SLC19A1: variants seen among roughly 807,000 people sequenced by gnomAD.
SLC19A1 encodes the protein reduced folate transporter.
Under a neutral mutation model 35.3 loss-of-function variants are expected in SLC19A1, and 37 were observed. The ratio of observed to expected loss-of-function variants is 1.05; its 90% CI spans 0.81 to 1.38. The LOEUF (loss-of-function observed/expected upper bound fraction) is 1.38. SLC19A1 is among the 40% of genes most tolerant of loss of function. The pLI is 0.00. For synonymous variants in SLC19A1, 460 were observed against 398.5 expected (o/e 1.15, Z -1.84); for missense variants, 831 against 826.9 (o/e 1.00, Z -0.06).
intron 5 of SLC19A1, among the ~76,000 whole-genome samples, chr21:45,524,185 G>A (rs1342680286): frequency 8.2e-5 from 8 of 97,188 alleles, no homozygotes; most frequent in South Asian, 4.2e-4. Flanking sequence ...GAGTGTTCAC[G>A]CCTGGGCCTT....
rs2078008156 is a variant in SLC19A1 at position 45,533,572 on chromosome 21, G to T, written c.190-1424C>A. Among the ~76,000 whole-genome samples the T allele has an allele frequency of 1.3e-5, 2 of 151,930 alleles. No individual in the cohort carries two copies. The highest frequency in any genetic ancestry group is 6.5e-5 in the Admixed American group (1 of 15,274). On this transcript the variant is annotated intron_variant, in intron 2 of 5. Coordinates refer to ENST00000311124, the MANE Select transcript of SLC19A1 (RefSeq NM_194255.4). The surrounding 1 kb of genome is among the most constrained non-coding windows in gnomAD (Gnocchi z 4.5). ...TTTCAGCAGGTGGCCCCGCCCACAG[G>T]CCCCACCAGACCCCACCTCAGATCC...
At chr21:45,543,028 C>T (rs1324861023), upstream of SLC19A1, among the ~76,000 whole-genome samples, 1 of 152,158 alleles carries the variant, frequency 6.6e-6, no homozygotes, top group Non-Finnish European at 1.5e-5. Flanking sequence ...CCGCCGCCCG[C>T]CCTCCTGCCT....
At position 45,525,998 on chromosome 21, in the gene SLC19A1, A is replaced by T. The variant is rs377009682; in HGVS notation, c.1152-40T>A. The T allele has an allele frequency of 1.6e-5, 25 of 1,599,570 alleles. No individual in the cohort carries two copies. In the African/African-American group the frequency reaches 2.0e-4, roughly 13 times the overall value. ...CGGGCAGATCAGGCGCTGCTGGGAG[A>T]ATAAGCAGCAGCCACAGGGAAAAGC... On this transcript the variant is annotated intron_variant, in intron 4 of 5. Transcript: ENST00000311124.
downstream of SLC19A1, among the ~76,000 whole-genome samples, chr21:45,508,324 T>C (rs1046498617): frequency 6.8e-6 from 1 of 146,558 alleles, no homozygotes; most frequent in Non-Finnish European, 1.5e-5. Context: ...GGTGGGTGAG[T>C]GGATAGATGG....
chr21:45,559,351 G>A (rs2078593536), intron 1 of SLC19A1, among the ~76,000 whole-genome samples: 1 of 152,148 alleles, frequency 6.6e-6, no homozygotes, highest in South Asian at 2.1e-4. Context: ...TTAGGTCGGT[G>A]AGGTGTCACC....
intron 1 of SLC19A1, among the ~76,000 whole-genome samples, chr21:45,551,002 C>G (rs2078460765): frequency 6.7e-6 from 1 of 150,188 alleles, no homozygotes. Flanking sequence ...CCCACAACAC[C>G]CACTTCCTCC....
chr21:45,558,510 G>C (rs866355284), intron 1 of SLC19A1, among the ~76,000 whole-genome samples: 3 of 152,240 alleles, frequency 2.0e-5, no homozygotes, highest in Non-Finnish European at 2.9e-5. Context: ...AGCAGGTGGG[G>C]CTGTGACCAG....
chr21:45,522,920 G>A (rs752296481), intron 5 of SLC19A1, among the ~76,000 whole-genome samples: 5 of 152,158 alleles, frequency 3.3e-5, no homozygotes, highest in South Asian at 2.1e-4. Flanking sequence ...CCTGACTGTC[G>A]CCATGCTGGT....
chr21:45,510,047 C>T (rs371340555), downstream of SLC19A1: 276 of 1,545,058 alleles, frequency 1.8e-4, 1 homozygote, highest in East Asian at 2.0e-3. Context: ...GCCCGTGACG[C>T]GCCCCTCTCC....
Position 45,512,629 on chromosome 21 carries a change from T to C in SLC19A1, c.*3029A>G, listed in dbSNP as rs1223930073. ...ACATTCACCTGCCCCAACTCTCCCCTGACCTGTGAGCCCAGCTGGGTCAGG... is the reference window on the plus strand; with the variant it reads ...ACATTCACCTGCCCCAACTCTCCCCCGACCTGTGAGCCCAGCTGGGTCAGG... On this transcript the variant is annotated 3_prime_UTR_variant, in exon 6 of 6. Coordinates refer to ENST00000311124, the MANE Select transcript of SLC19A1 (RefSeq NM_194255.4). The C allele has an allele frequency of 5.1e-6, 3 of 584,874 alleles. No individual in the cohort carries two copies. Among genetic ancestry groups the C allele is most frequent in the Non-Finnish European group, 9.1e-6 (3 of 329,076 alleles). The allele number at this position is 584,874 out of a possible 1,614,324, so 36.2% of individuals were successfully genotyped here.
chr21:45,555,069 G>A (rs1480704665), intron 1 of SLC19A1, among the ~76,000 whole-genome samples: 1 of 150,084 alleles, frequency 6.7e-6, no homozygotes, highest in Non-Finnish European at 1.5e-5. Flanking sequence ...ACGCAACGCG[G>A]GGAGTGGCCA....
intron 1 of SLC19A1, among the ~76,000 whole-genome samples, chr21:45,560,246 G>A (rs1476455352): frequency 6.6e-6 from 1 of 152,236 alleles, no homozygotes; most frequent in Non-Finnish European, 1.5e-5. Flanking sequence ...CAGCCACACA[G>A]GGCCCACACA....
chr21:45,505,276 A>G lies in SLC19A1; in HGVS notation c.498-6664T>C, dbSNP rs1478369652. The G allele has an allele frequency of 6.2e-7, 1 of 1,605,330 alleles. No homozygotes were observed. Among genetic ancestry groups the G allele is most frequent in the Admixed American group, 1.7e-5 (1 of 59,924 alleles). ...CCTTCATTTCCTGGCCCTCACAGGC[A>G]GAGTAAGTCAGTGGGGAGTGGGCCC... On this transcript the variant is annotated intron_variant, in intron 3 of 4. Coordinates refer to the SLC19A1 transcript ENST00000417954.
chr21:45,528,730 G>T (rs1039520328), intron 4 of SLC19A1, among the ~76,000 whole-genome samples: 1 of 152,228 alleles, frequency 6.6e-6, no homozygotes, highest in African/African-American at 2.4e-5. Flanking sequence ...TAAGAAAAAT[G>T]GAAATGGTGA....
chr21:45,561,664 G>A (rs1198616693), intron 1 of SLC19A1, among the ~76,000 whole-genome samples: 1 of 152,132 alleles, frequency 6.6e-6, no homozygotes, highest in Non-Finnish European at 1.5e-5. Flanking sequence ...GGGAGTTTGA[G>A]ACAAGAGAAT....
chr21:45,515,224 A>G lies in SLC19A1; in HGVS notation c.*434T>C, dbSNP rs986796969. ...CACCAAGGATGACCAGCAATGTCAC[A>G]GCTCAGCTACACCTGAGGGTCCCGG... On this transcript the variant is annotated 3_prime_UTR_variant, in exon 6 of 6. Transcript: ENST00000311124. The G allele has an allele frequency of 9.5e-5, 143 of 1,511,984 alleles. No individual in the cohort carries two copies. In the African/African-American group the frequency reaches 1.7e-3, roughly 18 times the overall value. 93.7% of individuals were successfully genotyped at this position (1,511,984 alleles called of 1,614,324 possible). A position where few individuals can be genotyped will look rare whatever the true frequency, so the allele number is the denominator to read the frequency against.
rs79241632 is a variant in SLC19A1 at position 45,522,796 on chromosome 21, G to A, written c.1293+3021C>T. 4.4e-4 allele frequency among the ~76,000 whole-genome samples: 67 copies of A among 152,270 alleles called. 1 individual carries two copies. The East Asian group carries it at 0.01, about 23-fold the overall frequency. The stretch of plus-strand genomic sequence containing the variant: ...CTGAAATGACAAACTCATACAAGCG[G>A]AGAAGAGGGTAGTGGCTGCCAGGGG... On this transcript the variant is annotated intron_variant, in intron 5 of 5. Coordinates refer to ENST00000311124, the MANE Select transcript of SLC19A1 (RefSeq NM_194255.4).
intron 1 of SLC19A1, among the ~76,000 whole-genome samples, 193 bp downstream of exon 1, chr21:45,542,175 C>G (rs1386184773): frequency 4.1e-5 from 6 of 146,472 alleles, no homozygotes; most frequent in African/African-American, 1.3e-4. Flanking sequence ...CCCCGCGGAC[C>G]CCAGGCTGCA....
intron 3 of SLC19A1, chr21:45,506,061 G>C (rs1160512930): frequency 6.3e-7 from 1 of 1,585,426 alleles, no homozygotes; most frequent in East Asian, 2.2e-5. Context: ...CCCGGACAGG[G>C]ATGGGAGCAG....
Sources: gnomAD v4.1 joint callset for allele counts (sites outside exome capture counted in the v4.1 genomes callset) on GRCh38, gnomAD v4.1.1 for gene constraint, Gnocchi (gnomAD v3.1) non-coding constraint, MANE v1.5 for transcripts, NCBI Gene and HGNC (gene_info 2026-07-23, HGNC 2026-07-21) for gene names.